TG: variants seen among roughly 807,000 people sequenced by gnomAD.
TG encodes thyroid hormones.
In TG, 270 loss-of-function variants were observed where a neutral mutation model predicts 324.7. That is an observed-to-expected ratio of 0.83 (90% CI 0.75 to 0.92). The LOEUF (loss-of-function observed/expected upper bound fraction) is 0.92, where lower values mean the gene tolerates loss of function less well. TG is among the 40% of genes least tolerant of loss of function. The pLI is 0.00. For missense variants in TG, 3,591 were observed against 3,456.4 expected (o/e 1.04, Z -0.98); for synonymous variants, 1,401 against 1,327.0 (o/e 1.06, Z -1.21).
At chr8:133,050,621 T>TG (rs1260712964) in intron 41 of TG, 4 of 523,544 alleles carry the variant, frequency 7.6e-6, no homozygotes, top group Non-Finnish European at 1.4e-5. Flanking sequence ...TACCAGGCAG[T>TG]GGGGAGCTAT....
intron 41 of TG, among the ~76,000 whole-genome samples, chr8:133,081,688 A>C (rs1845775337): frequency 6.6e-6 from 1 of 151,978 alleles, no homozygotes; most frequent in Non-Finnish European, 1.5e-5. Context: ...GTCATTGCTC[A>C]ACCTAGACCC....
intron 34 of TG, among the ~76,000 whole-genome samples, chr8:132,973,761 A>G (rs758032309): frequency 2.0e-5 from 3 of 152,318 alleles, no homozygotes; most frequent in Non-Finnish European, 2.9e-5. Context: ...CCCAGATCCA[A>G]AAAGATGGAA....
intron 41 of TG, among the ~76,000 whole-genome samples, chr8:133,031,372 T>G (rs1420105526): frequency 1.3e-5 from 2 of 152,262 alleles, no homozygotes; most frequent in Non-Finnish European, 2.9e-5. Flanking sequence ...CATCTGTTGA[T>G]GGACATTTGA....
intron 34 of TG, among the ~76,000 whole-genome samples, chr8:132,980,017 T>A (rs1447990541): frequency 3.3e-5 from 5 of 151,914 alleles, no homozygotes; most frequent in Non-Finnish European, 5.9e-5. Context: ...ACTTACTAAT[T>A]AAGTTTTATT....
chr8:132,994,586 C>T, intron 35 of TG: 3 of 965,562 alleles, frequency 3.1e-6, no homozygotes, highest in Non-Finnish European at 2.7e-6. Context: ...TAGTGCTACA[C>T]AAAGTTTTTT....
chr8:133,133,269 G>A, intron 46 of TG: 1 of 652,182 alleles, frequency 1.5e-6, no homozygotes, highest in East Asian at 2.7e-5. Flanking sequence ...CCCAGAAATG[G>A]CCTAGCTTTG....
rs1818760182 is a variant in TG, at chr8:132,906,847, G to A, written c.3794G>A (p.Ser1265Asn). The A allele has an allele frequency of 1.2e-6, 2 of 1,613,928 alleles. No individual in the cohort carries two copies. The highest frequency in any genetic ancestry group is 1.1e-5 in the South Asian group (1 of 91,066). ...SVFPPGPLIC[S>N]LESGRWESQL... ...TTTCCACCAGGGCCATTGATATGTA[G>A]CCTGGAGAGCGGACGCTGGGAGTCA... The change falls in exon 17 of 48, where the codon AGC (serine) becomes AAC (asparagine). Residue 1265 changes from serine (S) to asparagine (N), a missense_variant. Transcript: ENST00000220616.
At chr8:133,024,812 G>A (rs1278289459) in intron 40 of TG, among the ~76,000 whole-genome samples, 1 of 152,124 alleles carries the variant, frequency 6.6e-6, no homozygotes, top group Non-Finnish European at 1.5e-5. Flanking sequence ...GTCTATCAGT[G>A]ATGGGCGTTT....
intron 20 of TG, among the ~76,000 whole-genome samples, chr8:132,916,033 G>A (rs561190126): frequency 6.6e-6 from 1 of 152,254 alleles, no homozygotes; most frequent in Admixed American, 6.5e-5. Context: ...AGAGACTCAG[G>A]TGTTATTAAT....
At chr8:133,054,278 G>A (rs1386989894) in intron 41 of TG, among the ~76,000 whole-genome samples, 2 of 152,120 alleles carry the variant, frequency 1.3e-5, no homozygotes, top group East Asian at 3.9e-4. Flanking sequence ...GCAGACTTAA[G>A]ATAAGGAAAC....
chr8:132,908,061 A>T, intron 17 of TG, 125 bp from the exon 18 acceptor site: 2 of 1,098,150 alleles, frequency 1.8e-6, no homozygotes, highest in Non-Finnish European at 2.7e-6. Context: ...ATGACAATGC[A>T]AAATGGCAGT....
intron 41 of TG, among the ~76,000 whole-genome samples, chr8:133,038,992 CTT>C (rs1837634202): frequency 6.6e-6 from 1 of 152,172 alleles, no homozygotes; most frequent in African/African-American, 2.4e-5. Context: ...ATTCTCCCTC[CTT>C]AGCCTCCTGA....
intron 27 of TG, among the ~76,000 whole-genome samples, chr8:132,956,588 C>A (rs182169551): frequency 1.3e-5 from 2 of 152,130 alleles, no homozygotes; most frequent in Non-Finnish European, 1.5e-5. Context: ...CATGCAACGA[C>A]GCAGAGGCCT....
chr8:133,078,138 G>A (rs1437673598), intron 41 of TG, among the ~76,000 whole-genome samples: 3 of 152,192 alleles, frequency 2.0e-5, no homozygotes, highest in Non-Finnish European at 2.9e-5. Flanking sequence ...CCTTTGGGTG[G>A]CTGTGTCACC....
At chr8:133,117,271 C>T (rs555834131) in intron 45 of TG, among the ~76,000 whole-genome samples, 4 of 152,222 alleles carry the variant, frequency 2.6e-5, no homozygotes, top group Middle Eastern at 3.4e-3. Context: ...CCTTGAGTTT[C>T]CCAGAAGCTG....
chr8:132,875,507 G>A (rs905401297), intron 5 of TG, among the ~76,000 whole-genome samples: 4 of 152,194 alleles, frequency 2.6e-5, no homozygotes, highest in African/African-American at 9.7e-5. Flanking sequence ...CCACATAAAT[G>A]TAACTCATCT....
intron 37 of TG, among the ~76,000 whole-genome samples, chr8:133,015,904 G>A (rs550326959): frequency 6.6e-6 from 1 of 152,262 alleles, no homozygotes; most frequent in East Asian, 1.9e-4. Context: ...GACAGAGAAG[G>A]CTTCATTTGC....
At position 132,900,260 on chromosome 8, in the gene TG, G is replaced by A; in HGVS notation, c.3354G>A (p.Gln1118=). Residue 1118 remains glutamine (Q), a synonymous_variant, in exon 15 of 48, where the codon CAG becomes CAA. Transcript: ENST00000220616. ...AGACAGGAGAGTATGCCAGGCTGCA[G>A]GCATCGGGGGCTGGCACCTGGTGTG... ...CLETGEYARL[Q]ASGAGTWCVD... The A allele has an allele frequency of 1.2e-6, 2 of 1,614,062 alleles. No homozygotes were observed. Among genetic ancestry groups the A allele is most frequent in the Non-Finnish European group, 1.7e-6 (2 of 1,180,012 alleles).
At chr8:133,091,843 A>G (rs1847593225) in intron 41 of TG, among the ~76,000 whole-genome samples, 1 of 151,216 alleles carries the variant, frequency 6.6e-6, no homozygotes, top group Non-Finnish European at 1.5e-5. Context: ...TTATGTGACC[A>G]TGAGTGTCTG....
Sources: gnomAD v4.1 joint callset for allele counts (sites outside exome capture counted in the v4.1 genomes callset) on GRCh38, gnomAD v4.1.1 for gene constraint, MANE v1.5 for transcripts, NCBI Gene and HGNC (gene_info 2026-07-23, HGNC 2026-07-21) for gene names.